UGT1A10: variants seen among roughly 807,000 people sequenced by gnomAD.
The protein encoded by UGT1A10 is UDP-glucuronosyltransferase 1A10.
Under a neutral mutation model 45.8 loss-of-function variants are expected in UGT1A10, and 49 were observed. The observed-to-expected ratio is 1.07, with a 90% CI of 0.85 to 1.36. The LOEUF (loss-of-function observed/expected upper bound fraction) is 1.36. Among genes scored for constraint, UGT1A10 ranks in the 40% most tolerant of loss-of-function variants. The pLI, the probability that UGT1A10 is intolerant of heterozygous loss-of-function variation, is 0.00. For missense variants in UGT1A10, 745 were observed against 668.6 expected, an observed-to-expected ratio of 1.11 and a Z score of -1.26; for synonymous variants, 284 against 249.7, an observed-to-expected ratio of 1.14 and a Z score of -1.29.
chr2:233,646,157 C>G lies in UGT1A10; in HGVS notation c.855+8780C>G, dbSNP rs369620134. On this transcript the variant is annotated intron_variant, in intron 1 of 4. Coordinates refer to ENST00000344644, the MANE Select transcript of UGT1A10 (RefSeq NM_019075.4). ...CATGGTGTGAGCTGTACTTTGGCTC[C>G]TTTTGGACACAGCTGGAGCAGTTGG... 1.6e-4 allele frequency among the ~76,000 whole-genome samples: 25 copies of G among 152,316 alleles called. No homozygotes were observed. In the East Asian group the frequency reaches 3.5e-3, roughly 21 times the overall value.
chr2:233,672,252 T>C lies in UGT1A10; in HGVS notation c.855+34875T>C, dbSNP rs1321758675. 16 of 1,614,218 alleles carry C rather than the reference T, an allele frequency of 9.9e-6. 1 individual carries two copies. Among genetic ancestry groups the C allele is most frequent in the South Asian group, 8.8e-5 (8 of 91,080 alleles). ...GGAAAGCACAAGTACGAAGTATATA[T>C]TCTCTATTAATGGGTTCATACAATG... On this transcript the variant is annotated intron_variant, in intron 1 of 4. Coordinates refer to ENST00000344644, the MANE Select transcript of UGT1A10 (RefSeq NM_019075.4).
At chr2:233,743,161 G>A in intron 1 of UGT1A10, 1 of 361,140 alleles carries the variant, frequency 2.8e-6, no homozygotes, top group South Asian at 2.1e-5. Flanking sequence ...TCCTCCAGAT[G>A]TGCTTAAAGT....
At chr2:233,692,743 A>G in intron 1 of UGT1A10, 1 of 1,050,164 alleles carries the variant, frequency 9.5e-7, no homozygotes, top group Non-Finnish European at 1.3e-6. Context: ...GAGAGGGAGA[A>G]GCAGACTTGT....
At chr2:233,743,187 A>G (rs904489240) in intron 1 of UGT1A10, 11 of 373,380 alleles carry the variant, frequency 2.9e-5, no homozygotes, top group Middle Eastern at 3.7e-4. Flanking sequence ...GTGGACTGGA[A>G]TTACTTGGTG....
intron 1 of UGT1A10, chr2:233,729,272 G>C: frequency 6.2e-7 from 1 of 1,614,200 alleles, no homozygotes; most frequent in South Asian, 1.1e-5. Flanking sequence ...GAGGTCTTGC[G>C]GGAGCTCCAT....
At chr2:233,691,010 G>C in intron 1 of UGT1A10, 1 of 993,922 alleles carries the variant, frequency 1.0e-6, no homozygotes. Context: ...TCAGAGCAAG[G>C]CTGTGGTTGG....
At chr2:233,747,507 C>A in intron 1 of UGT1A10, 2 of 1,608,136 alleles carry the variant, frequency 1.2e-6, no homozygotes, top group South Asian at 2.2e-5. Flanking sequence ...CCACACTCAA[C>A]TGTACTTTGA....
chr2:233,637,153 A>T lies in UGT1A10; in HGVS notation c.631A>T (p.Ile211Phe). 1 of 1,614,000 alleles carries T rather than the reference A, an allele frequency of 6.2e-7. No individual in the cohort carries two copies. ...TTTCAAGGAGAGAGTATGGAACCACATCGTGCACTTGGAGGACCATTTATT... is the reference window on the plus strand; with the variant it reads ...TTTCAAGGAGAGAGTATGGAACCACTTCGTGCACTTGGAGGACCATTTATT... ...MTFKERVWNHIVHLEDHLFCQ... is the reference protein window; with the variant it reads ...MTFKERVWNHFVHLEDHLFCQ... Residue 211 changes from isoleucine to phenylalanine, a missense_variant, in exon 1 of 5, where the codon ATC becomes TTC. Coordinates refer to ENST00000344644, the MANE Select transcript of UGT1A10 (RefSeq NM_019075.4).
chr2:233,760,187 A>T (rs990924145), intron 1 of UGT1A10: 2 of 1,561,228 alleles, frequency 1.3e-6, no homozygotes, highest in African/African-American at 2.7e-5. Flanking sequence ...TTTTATAGTC[A>T]CGTGACACAG....
At chr2:233,735,547 G>A (rs571609142) in intron 1 of UGT1A10, among the ~76,000 whole-genome samples, 2 of 152,250 alleles carry the variant, frequency 1.3e-5, no homozygotes, top group South Asian at 4.1e-4. Flanking sequence ...ATTTGATCCT[G>A]TCATTATGGT....
chr2:233,722,324 C>T (rs1239720305), intron 1 of UGT1A10, among the ~76,000 whole-genome samples: 1 of 152,060 alleles, frequency 6.6e-6, no homozygotes, highest in Non-Finnish European at 1.5e-5. Flanking sequence ...GTTTGGTTGA[C>T]CCTTAGATTT....
intron 1 of UGT1A10, among the ~76,000 whole-genome samples, chr2:233,758,743 G>T (rs1250346162): frequency 6.6e-6 from 1 of 152,162 alleles, no homozygotes; most frequent in East Asian, 1.9e-4. Context: ...CCCAAGTATG[G>T]CTGGCCAGTG....
chr2:233,731,692 C>A (rs936290602), intron 1 of UGT1A10, among the ~76,000 whole-genome samples: 1 of 152,182 alleles, frequency 6.6e-6, no homozygotes. Context: ...CATTGATGGA[C>A]ATTTGGATTG....
At chr2:233,767,818 C>T (rs766005162) in intron 2 of UGT1A10, 31 bp from the exon 3 acceptor site, 60 of 1,614,028 alleles carry the variant, frequency 3.7e-5, no homozygotes, top group Non-Finnish European at 4.5e-5. Context: ...TATGTTCTTT[C>T]TTTACGTTCT....
chr2:233,762,662 A>G (rs1559409315), intron 1 of UGT1A10, among the ~76,000 whole-genome samples: 1 of 152,070 alleles, frequency 6.6e-6, no homozygotes, highest in Non-Finnish European at 1.5e-5. Flanking sequence ...TTTGTAGTTT[A>G]AAAAACATTT....
chr2:233,637,941 C>A (rs2073344723), intron 1 of UGT1A10, among the ~76,000 whole-genome samples: 1 of 152,100 alleles, frequency 6.6e-6, no homozygotes, highest in African/African-American at 2.4e-5. Context: ...ACTTTGGATA[C>A]AATGTAGTTT....
chr2:233,701,914 C>A lies in UGT1A10; in HGVS notation c.855+64537C>A, dbSNP rs1358780227. 1.3e-5 allele frequency among the ~76,000 whole-genome samples: 2 copies of A among 151,990 alleles called. 1 individual carries two copies. Among genetic ancestry groups the A allele is most frequent in the Admixed American group, 1.3e-4 (2 of 15,252 alleles). ...GCAGAAAAGATCTAAAATTGACACC[C>A]TAACATCACAATTAAAAGAACTAGA... On this transcript the variant is annotated intron_variant, in intron 1 of 4. Transcript: ENST00000344644.
intron 1 of UGT1A10, among the ~76,000 whole-genome samples, chr2:233,654,520 AC>A (rs796658899): frequency 4.6e-5 from 7 of 152,370 alleles, no homozygotes; most frequent in African/African-American, 1.2e-4. Flanking sequence ...ATAGAAAAAA[AC>A]GTTTTCTGCA....
chr2:233,687,709 C>T (rs1309741669), intron 1 of UGT1A10, among the ~76,000 whole-genome samples: 1 of 151,936 alleles, frequency 6.6e-6, no homozygotes, highest in Non-Finnish European at 1.5e-5. Context: ...TTGAGACCAG[C>T]CTGGACAACA....
Sources: gnomAD v4.1 joint callset for allele counts (sites outside exome capture counted in the v4.1 genomes callset) on GRCh38, gnomAD v4.1.1 for gene constraint, MANE v1.5 for transcripts, NCBI Gene and HGNC (gene_info 2026-07-23, HGNC 2026-07-21) for gene names.